Variants in MYO1E observed in about 807,000 individuals in gnomAD.
The protein encoded by MYO1E is unconventional myosin-Ie.
In MYO1E, 68 loss-of-function variants were observed where a neutral mutation model predicts 151.1. That is an observed-to-expected ratio of 0.45 (90% CI 0.37 to 0.55). The LOEUF (loss-of-function observed/expected upper bound fraction) is 0.55. MYO1E is among the 20% of genes least tolerant of loss of function. The pLI, the probability that MYO1E is intolerant of heterozygous loss-of-function variation, is 0.00. For synonymous variants in MYO1E, 601 were observed against 501.7 expected, an observed-to-expected ratio of 1.20 and a Z score of -2.64; for missense variants, 1,363 against 1,389.3, an observed-to-expected ratio of 0.98 and a Z score of 0.30.
Position 59,134,387 on chromosome 15 carries a change from T to C in MYO1E, c.*2993A>G, listed in dbSNP as rs1363545428. The C allele has an allele frequency of 6.6e-6, 1 of 152,232 alleles. No individual in the cohort carries two copies. The highest frequency in any genetic ancestry group is 2.4e-5 in the African/African-American group (1 of 41,440). The allele number at this position is 152,232 out of a possible 1,614,324, so 9.4% of individuals were successfully genotyped here. The stretch of plus-strand genomic sequence containing the variant: ...AAACACTGTGGAAGAGACGGCCCTT[T>C]TGCATGTCTTTAAGCCAGTTGGCCA... On this transcript the variant is annotated 3_prime_UTR_variant, in exon 28 of 28. Coordinates refer to ENST00000288235, the MANE Select transcript of MYO1E (RefSeq NM_004998.4).
At chr15:59,309,609 G>GAA (rs2080537317) in intron 1 of MYO1E, among the ~76,000 whole-genome samples, 1 of 152,196 alleles carries the variant, frequency 6.6e-6, no homozygotes, top group African/African-American at 2.4e-5. Context: ...CGCCTTGTGA[G>GAA]AAGTCCACTC....
chr15:59,139,858 AC>A (rs797013667), intron 26 of MYO1E, among the ~76,000 whole-genome samples: 109 of 149,636 alleles, frequency 7.3e-4, no homozygotes, highest in African/African-American at 2.6e-3. Flanking sequence ...CTTCCCTCCC[AC>A]CCCCTCATTA....
At chr15:59,333,579 A>C (rs1420179038) in intron 1 of MYO1E, among the ~76,000 whole-genome samples, 1 of 152,112 alleles carries the variant, frequency 6.6e-6, no homozygotes, top group Non-Finnish European at 1.5e-5. Flanking sequence ...TCCCACACCC[A>C]TTGTGAAATT....
intron 1 of MYO1E, among the ~76,000 whole-genome samples, chr15:59,324,520 G>C (rs2080650265): frequency 1.3e-5 from 2 of 152,148 alleles, no homozygotes; most frequent in Admixed American, 1.3e-4. Flanking sequence ...ATCTGGGTTG[G>C]TTCAAGGGGA....
intron 1 of MYO1E, among the ~76,000 whole-genome samples, chr15:59,370,340 G>A (rs1249203147): frequency 1.3e-5 from 2 of 152,148 alleles, no homozygotes; most frequent in Non-Finnish European, 2.9e-5. Flanking sequence ...TCTATTCTAA[G>A]GCAACTTCAC....
chr15:59,355,378 A>G (rs551414294), intron 1 of MYO1E, among the ~76,000 whole-genome samples: 5 of 152,200 alleles, frequency 3.3e-5, no homozygotes, highest in Admixed American at 2.0e-4. Context: ...TGATCTACAT[A>G]TCTTTCCAGA....
chr15:59,189,113 T>C (rs900034338), intron 17 of MYO1E, among the ~76,000 whole-genome samples: 19 of 151,760 alleles, frequency 1.3e-4, no homozygotes, highest in African/African-American at 4.6e-4. Context: ...CCAGGCTACA[T>C]TGTAGTGATG....
intron 5 of MYO1E, among the ~76,000 whole-genome samples, chr15:59,233,780 C>T (rs193273144): frequency 2.2e-4 from 33 of 150,424 alleles, no homozygotes; most frequent in African/African-American, 6.8e-4. Context: ...TGGACTGAAC[C>T]ACATGAACCT....
At position 59,225,937 on chromosome 15, in the gene MYO1E, C is replaced by T. The variant is rs558207609; in HGVS notation, c.643-1114G>A. The stretch of plus-strand genomic sequence containing the variant: ...CTGGGATTACAGGCGTGAGCCACCG[C>T]ACCCAGCCAAGAATTACTTTCATGT... On this transcript the variant is annotated intron_variant, in intron 7 of 27. Coordinates refer to ENST00000288235, the MANE Select transcript of MYO1E (RefSeq NM_004998.4). 7.4e-4 allele frequency among the ~76,000 whole-genome samples: 112 copies of T among 152,288 alleles called. 1 individual carries two copies. The highest frequency in any genetic ancestry group is 2.6e-3 in the African/African-American group (109 of 41,562).
chr15:59,157,228 G>C (rs1415696640), intron 25 of MYO1E, among the ~76,000 whole-genome samples: 2 of 152,098 alleles, frequency 1.3e-5, no homozygotes, highest in East Asian at 1.9e-4. Flanking sequence ...CCCAAAAAAA[G>C]AAGAGATAAA....
chr15:59,180,861 A>G (rs1431224731), intron 18 of MYO1E, among the ~76,000 whole-genome samples: 5 of 152,338 alleles, frequency 3.3e-5, no homozygotes, highest in Admixed American at 1.3e-4. Context: ...AGATGGCAAT[A>G]ATAGCTTACA....
chr15:59,366,040 G>A (rs776945796), intron 1 of MYO1E, among the ~76,000 whole-genome samples: 6 of 152,108 alleles, frequency 3.9e-5, no homozygotes, highest in Non-Finnish European at 8.8e-5. Context: ...GTGCAATGGC[G>A]TGATCTAGGC....
At chr15:59,299,954 T>C (rs1213720514) in intron 1 of MYO1E, among the ~76,000 whole-genome samples, 4 of 152,214 alleles carry the variant, frequency 2.6e-5, no homozygotes, top group Non-Finnish European at 5.9e-5. Context: ...GTGTGAGGTA[T>C]GTGATACCAT....
At chr15:59,218,560 A>C (rs2079934220) in intron 9 of MYO1E, among the ~76,000 whole-genome samples, 1 of 152,210 alleles carries the variant, frequency 6.6e-6, no homozygotes, top group South Asian at 2.1e-4. Context: ...AATAATTACA[A>C]CCAATCCCAT....
chr15:59,236,756 A>C, intron 4 of MYO1E, 84 bp from the exon 5 acceptor site: 3 of 1,269,110 alleles, frequency 2.4e-6, no homozygotes, highest in Non-Finnish European at 3.4e-6. Flanking sequence ...CACAAAACAA[A>C]CAAACAAACA....
chr15:59,292,693 C>G (rs2080426728), intron 1 of MYO1E, among the ~76,000 whole-genome samples: 1 of 152,222 alleles, frequency 6.6e-6, no homozygotes, highest in Non-Finnish European at 1.5e-5. Flanking sequence ...AATTTCCTGA[C>G]CAGTGTGATG....
At chr15:59,225,108 A>G (rs1390706767) in intron 7 of MYO1E, among the ~76,000 whole-genome samples, 2 of 152,196 alleles carry the variant, frequency 1.3e-5, no homozygotes, top group African/African-American at 4.8e-5. Flanking sequence ...GATTTTAATT[A>G]CTTAGTTCCT....
At chr15:59,172,183 C>T in intron 21 of MYO1E, 141 bp from the exon 22 acceptor site, 1 of 929,102 alleles carries the variant, frequency 1.1e-6, no homozygotes. Flanking sequence ...ATGGTGAAAC[C>T]CCGTCTCTAC....
At chr15:59,345,825 G>A (rs2080791170) in intron 1 of MYO1E, among the ~76,000 whole-genome samples, 1 of 152,148 alleles carries the variant, frequency 6.6e-6, no homozygotes, top group African/African-American at 2.4e-5. Flanking sequence ...ACACATGTCT[G>A]GATTAAAGAG....
Sources: gnomAD v4.1 joint callset for allele counts (sites outside exome capture counted in the v4.1 genomes callset) on GRCh38, gnomAD v4.1.1 for gene constraint, MANE v1.5 for transcripts, NCBI Gene and HGNC (gene_info 2026-07-23, HGNC 2026-07-21) for gene names.